FOXN2: variants seen among roughly 807,000 people sequenced by gnomAD.
The protein encoded by FOXN2 is forkhead box N2.
Under a neutral mutation model 41.2 loss-of-function variants are expected in FOXN2, and 19 were observed. That is an observed-to-expected ratio of 0.46 (90% confidence interval 0.32 to 0.68). The LOEUF is 0.68. Among genes scored for constraint, FOXN2 ranks in the 30% least tolerant of loss-of-function variants. The pLI, the probability that FOXN2 is intolerant of heterozygous loss-of-function variation, is 0.03. For synonymous variants in FOXN2, 195 were observed against 176.8 expected (o/e 1.10, Z -0.82); for missense variants, 587 against 509.4 (o/e 1.15, Z -1.47).
chr2:48,341,175 C>T (rs1670740028), intron 2 of FOXN2, among the ~76,000 whole-genome samples: 1 of 151,956 alleles, frequency 6.6e-6, no homozygotes, highest in African/African-American at 2.4e-5. Context: ...ATCATAGGCC[C>T]AGGTTTCCTT....
In FOXN2 at chr2:48,375,145, T is replaced by G; in HGVS notation, c.998T>G (p.Ile333Ser). ...LSSVDEVYEF[I>S]PKNSHVGSDG... Reference sequence around the variant, plus strand: ...TCTGTGGATGAGGTATATGAATTTATCCCAAAGAATAGTCACGTGGGAAGT... The same window carrying G: ...TCTGTGGATGAGGTATATGAATTTAGCCCAAAGAATAGTCACGTGGGAAGT... Residue 333 changes from isoleucine to serine, a missense_variant, in exon 7 of 7, where the codon ATC becomes AGC. Ile to Ser is a moderately radical substitution (Grantham distance 142). Transcript: ENST00000340553. 1 of 1,614,088 alleles carries G rather than the reference T, an allele frequency of 6.2e-7. No individual in the cohort carries two copies. Among genetic ancestry groups the G allele is most frequent in the Non-Finnish European group, 8.5e-7 (1 of 1,179,988 alleles).
chr2:48,349,745 G>C lies in FOXN2; in HGVS notation c.537+2994G>C, dbSNP rs143396391. On this transcript the variant is annotated intron_variant, in intron 3 of 6. Transcript: ENST00000340553. ...CATTGCACTCCAACCTGGGCAACAA[G>C]AGTGAAACTCCGTCTCAAAAAATAA... Among the ~76,000 whole-genome samples, 21 of 152,316 alleles carry C rather than the reference G, an allele frequency of 1.4e-4. 1 individual carries two copies. The highest frequency in any genetic ancestry group is 4.8e-4 in the African/African-American group (20 of 41,582).
chr2:48,342,711 A>G (rs539994133), intron 2 of FOXN2, among the ~76,000 whole-genome samples: 49 of 152,188 alleles, frequency 3.2e-4, no homozygotes, highest in Non-Finnish European at 6.6e-4. Flanking sequence ...CACCCTGAAC[A>G]TGCCTGATCT....
At chr2:48,314,230 T>A (rs1235178931), upstream of FOXN2, among the ~76,000 whole-genome samples, 2 of 152,260 alleles carry the variant, frequency 1.3e-5, no homozygotes, top group East Asian at 3.9e-4. Flanking sequence ...AGGGCCGTAC[T>A]GCCCTGCGGC....
intron 4 of FOXN2, among the ~76,000 whole-genome samples, chr2:48,359,892 TTAAG>T (rs1672061972): frequency 6.6e-6 from 1 of 152,176 alleles, no homozygotes. Flanking sequence ...AACAAGATTA[TTAAG>T]TTTGTCATTA....
intron 1 of FOXN2, among the ~76,000 whole-genome samples, chr2:48,325,061 C>T (rs1262305543): frequency 6.6e-6 from 1 of 152,286 alleles, no homozygotes; most frequent in South Asian, 2.1e-4. Flanking sequence ...AATACAGAAG[C>T]ATTAGCTTGA....
chr2:48,349,964 A>G (rs72820420), intron 3 of FOXN2, among the ~76,000 whole-genome samples: 20,520 of 152,236 alleles, frequency 0.13, 1,685 homozygotes, highest in East Asian at 0.45. Context: ...CCAGAAGAAG[A>G]AGAGTCTGCA....
chr2:48,316,980 T>A (rs1668959979), intron 1 of FOXN2, among the ~76,000 whole-genome samples: 1 of 152,152 alleles, frequency 6.6e-6, no homozygotes, highest in Non-Finnish European at 1.5e-5. Context: ...TATCTAGGCC[T>A]TAGGGCAGAA....
At chr2:48,359,441 G>A (rs1219425363) in intron 4 of FOXN2, among the ~76,000 whole-genome samples, 5 of 151,878 alleles carry the variant, frequency 3.3e-5, no homozygotes, top group Non-Finnish European at 5.9e-5. Context: ...CTACAGGCAA[G>A]CACCACCACT....
At chr2:48,326,078 G>A (rs1669655097) in intron 1 of FOXN2, among the ~76,000 whole-genome samples, 1 of 152,042 alleles carries the variant, frequency 6.6e-6, no homozygotes, top group African/African-American at 2.4e-5. Context: ...TCAAACTTCT[G>A]GCCTCAAATG....
chr2:48,342,571 T>G (rs915144893), intron 2 of FOXN2, among the ~76,000 whole-genome samples: 5 of 152,028 alleles, frequency 3.3e-5, no homozygotes, highest in Non-Finnish European at 7.4e-5. Flanking sequence ...AATAAGTTTT[T>G]TATATAATTT....
chr2:48,322,163 G>GTC (rs1166570901), intron 1 of FOXN2, among the ~76,000 whole-genome samples: 1 of 152,154 alleles, frequency 6.6e-6, no homozygotes, highest in Non-Finnish European at 1.5e-5. Flanking sequence ...GGCCAGGCTG[G>GTC]TCTCGAACTC....
chr2:48,378,926 A>G lies in FOXN2; in HGVS notation c.*3483A>G, dbSNP rs1185957633. ...TAAACTAAGTGCTTAATTTTAAAGT[A>G]TTATGTTGCCATCATATAGTGTATA... On this transcript the variant is annotated 3_prime_UTR_variant, in exon 7 of 7. Coordinates refer to ENST00000340553, the MANE Select transcript of FOXN2 (RefSeq NM_002158.4). 6.6e-6 allele frequency: 1 copy of G among 152,600 alleles called. No individual in the cohort carries two copies. The highest frequency in any genetic ancestry group is 1.5e-5 in the Non-Finnish European group (1 of 68,006). 9.5% of individuals were successfully genotyped at this position (152,600 alleles called of 1,614,324 possible).
Position 48,346,595 on chromosome 2 carries a change from C to T in FOXN2, c.381C>T (p.His127=), listed in dbSNP as rs971583282. ...FSLLIYMAIE[H]SPNKCLPVKE... ...TTCTCATTTATATGGCCATTGAGCA[C>T]TCTCCAAATAAATGTTTGCCTGTCA... Residue 127 remains histidine (H), a synonymous_variant, in exon 3 of 7, where the codon CAC becomes CAT. Transcript: ENST00000340553. 7 of 1,613,980 alleles carry T rather than the reference C, an allele frequency of 4.3e-6. No homozygotes were observed. In the African/African-American group the frequency reaches 9.3e-5, roughly 22 times the overall value.
At chr2:48,355,254 A>T (rs1387983152) in intron 3 of FOXN2, among the ~76,000 whole-genome samples, 1 of 152,196 alleles carries the variant, frequency 6.6e-6, no homozygotes, top group Non-Finnish European at 1.5e-5. Context: ...AGTGTTTTGA[A>T]TGTTCAGAGA....
At chr2:48,332,324 A>T (rs1056804462) in intron 2 of FOXN2, among the ~76,000 whole-genome samples, 30 of 152,346 alleles carry the variant, frequency 2.0e-4, no homozygotes, top group African/African-American at 7.0e-4. Flanking sequence ...ATTAATAACA[A>T]AATATTAAAA....
At position 48,374,936 on chromosome 2, in the gene FOXN2, T is replaced by C. The variant is rs1199904904; in HGVS notation, c.789T>C (p.Pro263=). The stretch of plus-strand genomic sequence containing the variant: ...TTTCCACAGGTGAGAAGCCTCTTCC[T>C]CTTAAAACAGCATTGCAAAAAAAGA... The part of the protein sequence containing the change: ...QGILECEKPL[P]LKTALQKKRS... The change falls in exon 7 of 7, where the codon CCT becomes CCC. Residue 263 remains proline (P), a synonymous_variant. Transcript: ENST00000340553. 1.1e-5 allele frequency: 17 copies of C among 1,611,720 alleles called. 1 individual carries two copies. In the South Asian group the frequency reaches 1.9e-4, roughly 18 times the overall value.
At position 48,346,332 on chromosome 2, in the gene FOXN2, G is replaced by T. The variant is rs750597718; in HGVS notation, c.118G>T (p.Ala40Ser). 1 of 1,614,208 alleles carries T rather than the reference G, an allele frequency of 6.2e-7. No individual in the cohort carries two copies. Among genetic ancestry groups the T allele is most frequent in the Non-Finnish European group, 8.5e-7 (1 of 1,180,032 alleles). Residue 40 changes from alanine (A) to serine (S), a missense_variant, in exon 3 of 7, where the codon GCC becomes TCC. Ala to Ser is a moderately conservative substitution (Grantham distance 99, BLOSUM62 1). Coordinates refer to ENST00000340553, the MANE Select transcript of FOXN2 (RefSeq NM_002158.4). The stretch of plus-strand genomic sequence containing the variant: ...AAGCTTGCCTGAAGCTGTTGATGCT[G>T]CCAGGCCGAAGGCCACTCTAGTGGA... ...MGSLPEAVDAARPKATLVDSE... is the reference protein window; with the variant it reads ...MGSLPEAVDASRPKATLVDSE...
chr2:48,373,487 T>G (rs1052430917), intron 6 of FOXN2, 127 bp downstream of exon 6: 1 of 576,942 alleles, frequency 1.7e-6, no homozygotes, highest in Non-Finnish European at 3.0e-6. Context: ...TCTGAGTAAC[T>G]CAGTTTCTGT....
Sources: allele counts gnomAD v4.1 joint callset (sites outside exome capture counted in the v4.1 genomes callset), GRCh38; gene constraint gnomAD v4.1.1; transcripts MANE v1.5; gene names NCBI Gene and HGNC (gene_info 2026-07-23, HGNC 2026-07-21).